Variants in JAKMIP3 observed in about 807,000 individuals in gnomAD.
JAKMIP3 encodes the protein Janus kinase and microtubule interacting protein 3, also known as janus kinase and microtubule-interacting protein 3.
A neutral mutation model predicts 118.5 loss-of-function variants in JAKMIP3; 58 were observed. That is an observed-to-expected ratio of 0.49 (90% CI 0.40 to 0.61). The LOEUF (loss-of-function observed/expected upper bound fraction) is 0.61, where lower values mean the gene tolerates loss of function less well. Ranked by LOEUF, JAKMIP3 falls within the 20% of genes least tolerant of loss-of-function variation. The pLI is 0.00. For synonymous variants in JAKMIP3, 486 were observed against 451.2 expected (o/e 1.08, Z -0.98); for missense variants, 950 against 1,109.0 (o/e 0.86, Z 2.04).
In JAKMIP3 at chr10:132,183,608, C is replaced by T. The variant is rs965843578; in HGVS notation, c.*2355C>T. ...TATGTAAAAAGTATGTATATAGGAA[C>T]GGGAGAAGGTGCAAGGAATGTGCTG... On this transcript the variant is annotated 3_prime_UTR_variant, in exon 24 of 24. Transcript: ENST00000684848. 4 of 152,118 alleles carry T rather than the reference C, an allele frequency of 2.6e-5. No homozygotes were observed. Among genetic ancestry groups the T allele is most frequent in the Non-Finnish European group, 5.9e-5 (4 of 68,034 alleles). The allele number at this position is 152,118 out of a possible 1,614,324, so 9.4% of individuals were successfully genotyped here. A position where few individuals can be genotyped will look rare whatever the true frequency, so the allele number is the denominator to read the frequency against.
chr10:132,138,573 C>T (rs1445823267), intron 9 of JAKMIP3, among the ~76,000 whole-genome samples: 1 of 152,230 alleles, frequency 6.6e-6, no homozygotes, highest in Non-Finnish European at 1.5e-5. Context: ...AAAATTGTTA[C>T]TGTGAAATGA....
intron 20 of JAKMIP3, among the ~76,000 whole-genome samples, chr10:132,164,161 CATT>C (rs1373539858): frequency 6.6e-6 from 1 of 152,240 alleles, no homozygotes; most frequent in Non-Finnish European, 1.5e-5. Context: ...GCTGGCTCCT[CATT>C]AGCCTCCTGG....
At chr10:132,040,919 C>G (rs60718130) in intron 1 of JAKMIP3, among the ~76,000 whole-genome samples, 2,715 of 152,278 alleles carry the variant, frequency 0.018, 79 homozygotes, top group African/African-American at 0.061. Context: ...CCTCATAGAA[C>G]TGGAATCATG....
chr10:132,114,396 TA>T (rs2047321736), intron 2 of JAKMIP3, among the ~76,000 whole-genome samples: 1 of 152,216 alleles, frequency 6.6e-6, no homozygotes, highest in South Asian at 2.1e-4. Flanking sequence ...TTAATTAATT[TA>T]TTTTTTTTGT....
In JAKMIP3 at chr10:132,168,939, G is replaced by A. The variant is rs1284079564; in HGVS notation, c.*1009G>A. 13 of 160,580 alleles carry A rather than the reference G, an allele frequency of 8.1e-5. No individual in the cohort carries two copies. The highest frequency in any genetic ancestry group is 1.6e-4 in the Non-Finnish European group (12 of 73,034). The allele number at this position is 160,580 out of a possible 1,614,324, so 9.9% of individuals were successfully genotyped here. On this transcript the variant is annotated 3_prime_UTR_variant, in exon 23 of 24. Coordinates refer to ENST00000684848, the MANE Select transcript of JAKMIP3 (RefSeq NM_001323087.2). ...TGCACACAAGGAGCAGCCCAGGTGGGGATGGCGGGCGCAAGAAGGGAACCG... is the reference window on the plus strand; with the variant it reads ...TGCACACAAGGAGCAGCCCAGGTGGAGATGGCGGGCGCAAGAAGGGAACCG...
chr10:132,091,682 G>A (rs2043111428), intron 1 of JAKMIP3, among the ~76,000 whole-genome samples: 1 of 152,098 alleles, frequency 6.6e-6, no homozygotes, highest in African/African-American at 2.4e-5. Context: ...CGTGAGATGG[G>A]TTTCCTGAAT....
intron 2 of JAKMIP3, among the ~76,000 whole-genome samples, chr10:132,109,145 T>C (rs956068465): frequency 4.8e-5 from 7 of 145,880 alleles, no homozygotes; most frequent in African/African-American, 1.3e-4. Flanking sequence ...TATATATATA[T>C]ATACACACAC....
At chr10:132,122,665 A>G (rs2048765045) in intron 3 of JAKMIP3, among the ~76,000 whole-genome samples, 1 of 152,132 alleles carries the variant, frequency 6.6e-6, no homozygotes, top group Non-Finnish European at 1.5e-5. Context: ...AGATGGAGGG[A>G]AGACAGGAGA....
At chr10:132,133,953 G>A (rs941806672) in intron 4 of JAKMIP3, among the ~76,000 whole-genome samples, 9 of 152,192 alleles carry the variant, frequency 5.9e-5, no homozygotes, top group Admixed American at 5.9e-4. Flanking sequence ...TGCCCACCGC[G>A]TGCCCAGCTG....
intron 1 of JAKMIP3, among the ~76,000 whole-genome samples, chr10:132,066,936 C>T (rs898237173): frequency 1.3e-5 from 2 of 152,056 alleles, no homozygotes; most frequent in African/African-American, 4.8e-5. Flanking sequence ...TTGCTGCTGC[C>T]GTTGATTTTG....
chr10:132,111,767 A>G (rs1476856761), intron 2 of JAKMIP3, among the ~76,000 whole-genome samples: 1 of 152,116 alleles, frequency 6.6e-6, no homozygotes, highest in Non-Finnish European at 1.5e-5. Flanking sequence ...TTTGCATATT[A>G]TATATTATAA....
rs2047941141 is a variant in JAKMIP3 at position 132,117,745 on chromosome 10, T to G, written c.633+171T>G. ...CACAGGCTCCTCATGCCACCCCTGT[T>G]GGTTTTGAGGACCCTAGAGTCACGA... On this transcript the variant is annotated intron_variant, in intron 3 of 23. Transcript: ENST00000684848. This position sits in a 1 kb window ranked among gnomAD's most constrained non-coding sequence, Gnocchi z 8.6. 6.6e-6 allele frequency among the ~76,000 whole-genome samples: 1 copy of G among 152,126 alleles called. No homozygotes were observed. The highest frequency in any genetic ancestry group is 2.4e-5 in the African/African-American group (1 of 41,420).
intron 13 of JAKMIP3, among the ~76,000 whole-genome samples, chr10:132,147,652 C>T (rs1446100360): frequency 6.6e-6 from 1 of 152,238 alleles, no homozygotes; most frequent in Non-Finnish European, 1.5e-5. Context: ...CCTTGACGGC[C>T]TCCCTTCCAC....
upstream of JAKMIP3, among the ~76,000 whole-genome samples, chr10:132,064,439 C>G (rs932054946): frequency 6.6e-6 from 1 of 152,130 alleles, no homozygotes; most frequent in Non-Finnish European, 1.5e-5. This position sits in a 1 kb window ranked among gnomAD's most constrained non-coding sequence, Gnocchi z 4.4. Context: ...GCGTGGACCC[C>G]GAGCCGCCGG....
chr10:132,061,244 G>A (rs780913884), upstream of JAKMIP3, among the ~76,000 whole-genome samples: 1,781 of 130,580 alleles, frequency 0.014, 98 homozygotes, highest in Admixed American at 0.12. Context: ...CCGTGACGGC[G>A]CACACACACA....
chr10:132,036,946 T>C (rs1273796933), intron 1 of JAKMIP3, among the ~76,000 whole-genome samples: 1 of 151,568 alleles, frequency 6.6e-6, no homozygotes, highest in Non-Finnish European at 1.5e-5. Context: ...GCGGGTCCTC[T>C]CCACGGCACC....
intron 2 of JAKMIP3, among the ~76,000 whole-genome samples, chr10:132,110,800 G>A (rs915701368): frequency 6.6e-6 from 1 of 152,264 alleles, no homozygotes; most frequent in Non-Finnish European, 1.5e-5. Flanking sequence ...AAGGGGAGGG[G>A]CTCACAGGGA....
At chr10:132,062,069 A>G (rs542012799), upstream of JAKMIP3, among the ~76,000 whole-genome samples, 8 of 152,238 alleles carry the variant, frequency 5.3e-5, no homozygotes, top group South Asian at 1.5e-3. Context: ...CCAGACGAAG[A>G]AACCTGAGAG....
intron 5 of JAKMIP3, 111 bp downstream of exon 5, chr10:132,135,271 GA>G: frequency 3.5e-6 from 4 of 1,129,698 alleles, no homozygotes; most frequent in Non-Finnish European, 4.9e-6. Flanking sequence ...TGGTTGCAAG[GA>G]CCGGCCTTGC....
Sources: gnomAD v4.1 joint callset for allele counts (sites outside exome capture counted in the v4.1 genomes callset) on GRCh38, gnomAD v4.1.1 for gene constraint, Gnocchi (gnomAD v3.1) non-coding constraint, MANE v1.5 for transcripts, NCBI Gene and HGNC (gene_info 2026-07-23, HGNC 2026-07-21) for gene names.